RYR3: variants seen among roughly 807,000 people sequenced by gnomAD.
RYR3 encodes the protein ryanodine receptor 3, also known as brain ryanodine receptor-calcium release channel.
In RYR3, 207 loss-of-function variants were observed where a neutral mutation model predicts 584.3. That is an observed-to-expected ratio of 0.35 (90% CI 0.32 to 0.40). The LOEUF (loss-of-function observed/expected upper bound fraction) is 0.40. Ranked by LOEUF, RYR3 falls within the 10% of genes least tolerant of loss-of-function variation. The pLI is 1.00. For missense variants in RYR3, 5,616 were observed against 6,089.2 expected, an observed-to-expected ratio of 0.92 and a Z score of 2.59; for synonymous variants, 2,416 against 2,248.5, an observed-to-expected ratio of 1.07 and a Z score of -2.11.
intron 36 of RYR3, among the ~76,000 whole-genome samples, chr15:33,666,160 A>C (rs2063483135): frequency 6.6e-6 from 1 of 152,088 alleles, no homozygotes; most frequent in Non-Finnish European, 1.5e-5. Context: ...ATGCACCACC[A>C]TGACCAACTA....
chr15:33,700,524 A>G (rs557195455), intron 41 of RYR3, among the ~76,000 whole-genome samples: 1 of 152,312 alleles, frequency 6.6e-6, no homozygotes, highest in South Asian at 2.1e-4. Flanking sequence ...GTTTTTCTTA[A>G]TTCTAGCCTG....
At chr15:33,621,073 A>G (rs2060701635) in intron 19 of RYR3, among the ~76,000 whole-genome samples, 1 of 152,242 alleles carries the variant, frequency 6.6e-6, no homozygotes, top group Non-Finnish European at 1.5e-5. Flanking sequence ...TATAAAAACT[A>G]AGCGTTGTTC....
At chr15:33,551,486 G>A (rs1206010546) in intron 10 of RYR3, among the ~76,000 whole-genome samples, 3 of 152,202 alleles carry the variant, frequency 2.0e-5, no homozygotes, top group African/African-American at 7.2e-5. Context: ...GGGGTTCGGA[G>A]TCTGTTTTCT....
rs750257218 is a variant in RYR3, at chr15:33,630,020, G to A, written c.2760G>A (p.Leu920=). ...CAGAAACTGAGAAGAACTATAACCT[G>A]CAAATGTCAACTGAAACCTTAAAGT... The part of the protein sequence containing the change: ...KLPETEKNYN[L]QMSTETLKTL... Residue 920 remains leucine (L), a synonymous_variant, in exon 22 of 104, where the codon CTG becomes CTA. Transcript: ENST00000634891. 9 of 1,598,696 alleles carry A rather than the reference G, an allele frequency of 5.6e-6. No individual in the cohort carries two copies. The Admixed American group carries it at 1.5e-4, about 27-fold the overall frequency.
intron 99 of RYR3, 122 bp downstream of exon 99, chr15:33,858,036 A>G (rs1240823086): frequency 7.9e-7 from 1 of 1,270,372 alleles, no homozygotes; most frequent in African/African-American, 1.5e-5. Context: ...GTTACAGAGC[A>G]CAGCAGAGAT....
At chr15:33,628,645 T>A (rs769732320) in intron 21 of RYR3, 70 bp downstream of exon 21, 7 of 962,352 alleles carry the variant, frequency 7.3e-6, no homozygotes, top group Non-Finnish European at 1.2e-5. Context: ...TTCTTCCTGC[T>A]GCATGCCTAG....
chr15:33,450,289 C>T (rs1242912024), intron 1 of RYR3, among the ~76,000 whole-genome samples: 1 of 152,054 alleles, frequency 6.6e-6, no homozygotes, highest in Non-Finnish European at 1.5e-5. Flanking sequence ...GTTCTTGAAT[C>T]TAATGGCTGT....
chr15:33,617,036 C>T (rs2060484274), intron 19 of RYR3, among the ~76,000 whole-genome samples: 1 of 152,222 alleles, frequency 6.6e-6, no homozygotes, highest in African/African-American at 2.4e-5. Flanking sequence ...CAGTTCTTCT[C>T]TGTACTACTT....
At chr15:33,823,155 ACTGG>A in intron 81 of RYR3, 83 bp downstream of exon 81, 2 of 1,117,594 alleles carry the variant, frequency 1.8e-6, no homozygotes, top group South Asian at 2.9e-5. Context: ...CACAAAATAT[ACTGG>A]CCTACCATAG....
intron 3 of RYR3, among the ~76,000 whole-genome samples, chr15:33,529,855 C>T (rs549205844): frequency 8.5e-5 from 13 of 152,262 alleles, no homozygotes; most frequent in African/African-American, 3.1e-4. Context: ...AGCATGGTGA[C>T]GTGTGAATCA....
At chr15:33,795,380 CTTTTTTT>C (rs1201963780) in intron 67 of RYR3, among the ~76,000 whole-genome samples, 13 of 92,468 alleles carry the variant, frequency 1.4e-4, no homozygotes, top group South Asian at 3.9e-4. Context: ...TTTTTCTTTT[CTTTTTTT>C]TTTTTTTTTT....
At chr15:33,766,125 A>AG (rs1244317470) in intron 60 of RYR3, among the ~76,000 whole-genome samples, 1 of 151,982 alleles carries the variant, frequency 6.6e-6, no homozygotes, top group Non-Finnish European at 1.5e-5. Context: ...TACTAAAAAA[A>AG]CAAAAAAAAT....
intron 3 of RYR3, among the ~76,000 whole-genome samples, chr15:33,527,406 C>T (rs767126428): frequency 6.6e-5 from 10 of 151,986 alleles, no homozygotes; most frequent in Non-Finnish European, 1.2e-4. Flanking sequence ...ATGGGAAAAC[C>T]CCATCTCTGC....
chr15:33,700,833 C>G (rs1465229585), intron 41 of RYR3, 144 bp from the exon 42 acceptor site: 2 of 536,876 alleles, frequency 3.7e-6, no homozygotes, highest in African/African-American at 1.9e-5. Flanking sequence ...TGCAAGCGGA[C>G]TGTCCCATTG....
At chr15:33,557,213 G>A (rs2057124896) in intron 10 of RYR3, among the ~76,000 whole-genome samples, 1 of 152,150 alleles carries the variant, frequency 6.6e-6, no homozygotes, top group Non-Finnish European at 1.5e-5. Context: ...GATAATACAA[G>A]CCATAGGGCC....
At chr15:33,707,130 C>A in intron 43 of RYR3, 76 bp downstream of exon 43, 3 of 1,509,076 alleles carry the variant, frequency 2.0e-6, no homozygotes, top group Non-Finnish European at 2.7e-6. Flanking sequence ...AAAGGATATC[C>A]TTTCCATTGC....
chr15:33,446,174 C>G (rs2046640390), intron 1 of RYR3, among the ~76,000 whole-genome samples: 1 of 152,202 alleles, frequency 6.6e-6, no homozygotes, highest in Non-Finnish European at 1.5e-5. Context: ...ACTGACCTCA[C>G]TAACTTCTGC....
intron 102 of RYR3, 149 bp downstream of exon 102, chr15:33,861,327 G>GTCTCTCCCATGTGTGATAGACGTGT (rs1888123296): frequency 1.7e-6 from 1 of 574,824 alleles, no homozygotes; most frequent in South Asian, 2.0e-5. Flanking sequence ...CATAGACTCT[G>GTCTCTCCCATGTGTGATAGACGTGT]TCTCTCCCAT....
chr15:33,445,076 T>C (rs1437433218), intron 1 of RYR3, among the ~76,000 whole-genome samples: 3 of 152,170 alleles, frequency 2.0e-5, no homozygotes, highest in Non-Finnish European at 2.9e-5. Flanking sequence ...AAGAGTGGTA[T>C]GATTTCATTT....
Sources: gnomAD v4.1 joint callset for allele counts (sites outside exome capture counted in the v4.1 genomes callset) on GRCh38, gnomAD v4.1.1 for gene constraint, MANE v1.5 for transcripts, NCBI Gene and HGNC (gene_info 2026-07-23, HGNC 2026-07-21) for gene names.